The following NRG3 variants were observed in gnomAD, a reference collection of about 807,000 sequenced individuals.
NRG3 encodes the protein pro-neuregulin-3, membrane-bound isoform.
Under a neutral mutation model 66.9 loss-of-function variants are expected in NRG3, and 31 were observed. The ratio of observed to expected loss-of-function variants is 0.46; its 90% confidence interval spans 0.35 to 0.63. The LOEUF is 0.63. Among genes scored for constraint, NRG3 ranks in the 20% least tolerant of loss-of-function variants. The probability of loss-of-function intolerance (pLI) is 0.00; values close to 1 mark genes in which losing one functional copy is unlikely to be tolerated. For missense variants in NRG3, 910 were observed against 878.9 expected, an observed-to-expected ratio of 1.04 and a Z score of -0.45; for synonymous variants, 393 against 359.4, an observed-to-expected ratio of 1.09 and a Z score of -1.06.
At chr10:82,865,559 G>A (rs967402337) in intron 4 of NRG3, 122 bp downstream of exon 4, 7 of 946,326 alleles carry the variant, frequency 7.4e-6, no homozygotes, top group Middle Eastern at 2.2e-4. Context: ...CTATTAGTAG[G>A]AAAAAATACT....
chr10:81,928,890 T>C (rs1847076673), intron 1 of NRG3, among the ~76,000 whole-genome samples: 1 of 152,196 alleles, frequency 6.6e-6, no homozygotes, highest in Non-Finnish European at 1.5e-5. Context: ...GGAATGATCA[T>C]GGCTCACTGC....
rs371304186 is a variant in NRG3 at position 82,406,246 on chromosome 10, T to C, written c.953+47378T>C. Among the ~76,000 whole-genome samples the C allele has an allele frequency of 1.2e-4, 18 of 152,334 alleles. No homozygotes were observed. The East Asian group carries it at 3.3e-3, about 28-fold the overall frequency. On this transcript the variant is annotated intron_variant, in intron 2 of 8. Transcript: ENST00000372141. ...TGGGATAATTGCAGCTGAGGACACA[T>C]CTTTTCCATTGTTCGTGGGACATAA...
At chr10:82,040,348 C>A (rs2062975787) in intron 1 of NRG3, among the ~76,000 whole-genome samples, 1 of 151,880 alleles carries the variant, frequency 6.6e-6, no homozygotes, top group South Asian at 2.1e-4. Flanking sequence ...CATGCACACA[C>A]AAACACAGAC....
intron 4 of NRG3, among the ~76,000 whole-genome samples, chr10:82,874,727 T>A (rs1841652696): frequency 6.6e-6 from 1 of 152,310 alleles, no homozygotes; most frequent in Non-Finnish European, 1.5e-5. Context: ...TTAGCTGAAT[T>A]ATCTTTCTAA....
At chr10:82,803,706 C>T (rs1314295690) in intron 3 of NRG3, among the ~76,000 whole-genome samples, 1 of 151,602 alleles carries the variant, frequency 6.6e-6, no homozygotes, top group Non-Finnish European at 1.5e-5. Flanking sequence ...CAGACATGCC[C>T]ATGATGAAGC....
chr10:82,441,279 C>T (rs549341978), intron 2 of NRG3, among the ~76,000 whole-genome samples: 10 of 152,196 alleles, frequency 6.6e-5, no homozygotes, highest in South Asian at 2.1e-4. Context: ...CAAGTGGGAG[C>T]GATAAACCAT....
At chr10:82,850,690 T>A (rs1204083227) in intron 3 of NRG3, among the ~76,000 whole-genome samples, 1 of 148,672 alleles carries the variant, frequency 6.7e-6, no homozygotes, top group Non-Finnish European at 1.5e-5. Context: ...TTACCTTATT[T>A]TAGACTCCAA....
intron 1 of NRG3, among the ~76,000 whole-genome samples, chr10:82,343,638 A>G (rs1042953146): frequency 2.0e-5 from 3 of 152,204 alleles, no homozygotes; most frequent in Admixed American, 6.5e-5. Flanking sequence ...CTGTCTTCAC[A>G]TTATACTAAA....
At chr10:81,887,243 C>T (rs897079270) in intron 1 of NRG3, among the ~76,000 whole-genome samples, 4 of 151,964 alleles carry the variant, frequency 2.6e-5, no homozygotes, top group African/African-American at 9.7e-5. Flanking sequence ...GAAATAATGC[C>T]TTATTGAAGG....
intron 1 of NRG3, among the ~76,000 whole-genome samples, chr10:82,302,274 A>G (rs984807084): frequency 3.3e-5 from 5 of 152,102 alleles, no homozygotes; most frequent in South Asian, 2.1e-4. Context: ...AAAAAAATCT[A>G]TATCATACCC....
chr10:82,491,316 A>ATATATATATAT (rs1389375279), intron 2 of NRG3, among the ~76,000 whole-genome samples: 65 of 136,620 alleles, frequency 4.8e-4, no homozygotes, highest in East Asian at 1.2e-3. Flanking sequence ...ATATATATAT[A>ATATATATATAT]AAATAAAGAT....
chr10:82,921,947 A>C (rs962377546), intron 4 of NRG3, among the ~76,000 whole-genome samples: 5 of 152,182 alleles, frequency 3.3e-5, no homozygotes, highest in Admixed American at 3.3e-4. Flanking sequence ...ATTCTTATTT[A>C]AAGATTTAAA....
chr10:82,534,915 C>A (rs1847663471), intron 2 of NRG3, among the ~76,000 whole-genome samples: 1 of 151,644 alleles, frequency 6.6e-6, no homozygotes, highest in African/African-American at 2.4e-5. Flanking sequence ...GTAATCCCAG[C>A]ACTTTGGGAG....
At chr10:82,361,298 C>T (rs1034080087) in intron 2 of NRG3, among the ~76,000 whole-genome samples, 2 of 152,168 alleles carry the variant, frequency 1.3e-5, no homozygotes, top group Non-Finnish European at 2.9e-5. Flanking sequence ...AACATAGACT[C>T]ACAACATAGC....
intron 2 of NRG3, among the ~76,000 whole-genome samples, chr10:82,676,736 G>T (rs2134084104): frequency 6.6e-6 from 1 of 152,110 alleles, no homozygotes; most frequent in Non-Finnish European, 1.5e-5. Flanking sequence ...GCCCCCCTCG[G>T]CCTCCCAAAG....
intron 2 of NRG3, among the ~76,000 whole-genome samples, chr10:82,553,330 C>T (rs781571405): frequency 6.6e-6 from 1 of 151,836 alleles, no homozygotes; most frequent in Non-Finnish European, 1.5e-5. Flanking sequence ...GAGAACCGCA[C>T]CCCCCACACA....
intron 5 of NRG3, among the ~76,000 whole-genome samples, chr10:82,953,044 G>A (rs1172369694): frequency 6.6e-6 from 1 of 151,858 alleles, no homozygotes; most frequent in East Asian, 1.9e-4. Context: ...ACTAAAGTCT[G>A]TATTTTCAGA....
chr10:82,878,619 C>A (rs1282721417), intron 4 of NRG3, among the ~76,000 whole-genome samples: 1 of 152,132 alleles, frequency 6.6e-6, no homozygotes, highest in Non-Finnish European at 1.5e-5. Flanking sequence ...GAGGAAAGAG[C>A]ACTTGATTTT....
chr10:82,387,812 A>G (rs184474825), intron 2 of NRG3, among the ~76,000 whole-genome samples: 1 of 152,334 alleles, frequency 6.6e-6, no homozygotes, highest in Non-Finnish European at 1.5e-5. Context: ...TAACATTAAT[A>G]TAACACCAGA....
Sources: gnomAD v4.1 joint callset for allele counts (sites outside exome capture counted in the v4.1 genomes callset) on GRCh38, gnomAD v4.1.1 for gene constraint, MANE v1.5 for transcripts, NCBI Gene and HGNC (gene_info 2026-07-23, HGNC 2026-07-21) for gene names.